SLIT2: variants seen among roughly 807,000 people sequenced by gnomAD.
SLIT2 encodes slit guidance ligand 2, also known as slit homolog 2 protein.
Under a neutral mutation model 185.7 loss-of-function variants are expected in SLIT2, and 41 were observed. The ratio of observed to expected loss-of-function variants is 0.22; its 90% CI spans 0.17 to 0.29. The LOEUF is 0.29. Among genes scored for constraint, SLIT2 ranks in the 10% least tolerant of loss-of-function variants. The pLI, the probability that SLIT2 is intolerant of heterozygous loss-of-function variation, is 1.00. For missense variants in SLIT2, 1,571 were observed against 1,909.0 expected (o/e 0.82, Z 3.30); for synonymous variants, 693 against 680.2 (o/e 1.02, Z -0.29).
chr4:20,310,057 G>A (rs777372921), intron 4 of SLIT2, among the ~76,000 whole-genome samples: 2 of 152,000 alleles, frequency 1.3e-5, no homozygotes, highest in African/African-American at 4.8e-5. Flanking sequence ...CACCGCGTCC[G>A]GCCCCTCTAG....
intron 4 of SLIT2, among the ~76,000 whole-genome samples, chr4:20,358,981 T>C (rs1046776091): frequency 1.2e-4 from 19 of 152,086 alleles, no homozygotes. Flanking sequence ...AAGATTGATA[T>C]ATATAATGGT....
At position 20,390,573 on chromosome 4, in the gene SLIT2, G is replaced by T. The variant is rs548691558; in HGVS notation, c.396-77179G>T. On this transcript the variant is annotated intron_variant, in intron 4 of 36. Transcript: ENST00000504154. ...GACATCACAAAGTTCCTATGGCACTGTCGGCCTGCTGCATTGAAGAATGAC... is the reference window on the plus strand; with the variant it reads ...GACATCACAAAGTTCCTATGGCACTTTCGGCCTGCTGCATTGAAGAATGAC... Among the ~76,000 whole-genome samples, 80 of 152,144 alleles carry T rather than the reference G, an allele frequency of 5.3e-4. No individual in the cohort carries two copies. The South Asian group carries it at 0.015, about 28-fold the overall frequency.
chr4:20,462,573 G>A (rs1378209884), intron 4 of SLIT2, among the ~76,000 whole-genome samples: 1 of 152,108 alleles, frequency 6.6e-6, no homozygotes, highest in Non-Finnish European at 1.5e-5. Flanking sequence ...ATTACGTAGT[G>A]TTCTCTAAAA....
At chr4:20,350,526 T>C (rs1351850972) in intron 4 of SLIT2, among the ~76,000 whole-genome samples, 3 of 152,300 alleles carry the variant, frequency 2.0e-5, no homozygotes, top group Admixed American at 6.5e-5. Context: ...CTATCATTAC[T>C]GCTTATTTTG....
chr4:20,377,385 C>G (rs965491033), intron 4 of SLIT2, among the ~76,000 whole-genome samples: 2 of 151,982 alleles, frequency 1.3e-5, no homozygotes, highest in African/African-American at 4.8e-5. Flanking sequence ...TATGGACTTG[C>G]TTGAAATGAT....
chr4:20,542,855 T>C (rs1013483687), intron 21 of SLIT2, among the ~76,000 whole-genome samples: 38 of 97,280 alleles, frequency 3.9e-4, no homozygotes, highest in East Asian at 3.5e-3. Flanking sequence ...TGTGTGTGTG[T>C]GTGTGTGCGC....
At position 20,254,735 on chromosome 4, in the gene SLIT2, G is replaced by T. The variant is rs964827354; in HGVS notation, c.179+741G>T. 2.6e-5 allele frequency among the ~76,000 whole-genome samples: 4 copies of T among 152,130 alleles called. No homozygotes were observed. Among genetic ancestry groups the T allele is most frequent in the African/African-American group, 9.7e-5 (4 of 41,444 alleles). ...AGCACTGGTTCTCCAGCGCAAACCA[G>T]CCCAACCAGGTCTTACCACTGCGGC... On this transcript the variant is annotated intron_variant, in intron 1 of 36. Coordinates refer to ENST00000504154, the MANE Select transcript of SLIT2 (RefSeq NM_004787.4). This position sits in a 1 kb window ranked among gnomAD's most constrained non-coding sequence, Gnocchi z 5.1.
intron 4 of SLIT2, among the ~76,000 whole-genome samples, chr4:20,424,012 A>G (rs1241919543): frequency 1.3e-5 from 2 of 152,114 alleles, no homozygotes; most frequent in Non-Finnish European, 2.9e-5. Flanking sequence ...TCTTCTAGAA[A>G]AGGGAATATT....
chr4:20,336,181 C>T (rs995381156), intron 4 of SLIT2, among the ~76,000 whole-genome samples: 1 of 152,194 alleles, frequency 6.6e-6, no homozygotes. Flanking sequence ...GCCACCTCTT[C>T]TCCCAGGAGA....
chr4:20,257,684 ACTG>A (rs1304577465), intron 2 of SLIT2, among the ~76,000 whole-genome samples, 181 bp from the exon 3 acceptor site: 1 of 151,944 alleles, frequency 6.6e-6, no homozygotes, highest in African/African-American at 2.4e-5. Flanking sequence ...TGATGCAGAC[ACTG>A]CTATTTCCCT....
chr4:20,486,276 G>A lies in SLIT2; in HGVS notation c.611+5G>A. The A allele has an allele frequency of 6.6e-7, 1 of 1,504,348 alleles. No homozygotes were observed. Among genetic ancestry groups the A allele is most frequent in the Non-Finnish European group, 9.3e-7 (1 of 1,080,620 alleles). 93.2% of individuals were successfully genotyped at this position (1,504,348 alleles called of 1,614,324 possible). On this transcript the variant is annotated splice_donor_5th_base_variant and intron_variant, in intron 7 of 36. Transcript: ENST00000504154. Reference sequence around the variant, plus strand: ...TATGCCTAAACTTAGGACTTTGTAAGTAGTCACAATATATGTAAAAGTCAT... The same window carrying A: ...TATGCCTAAACTTAGGACTTTGTAAATAGTCACAATATATGTAAAAGTCAT...
chr4:20,397,831 G>T (rs1388798557), intron 4 of SLIT2, among the ~76,000 whole-genome samples: 1 of 151,682 alleles, frequency 6.6e-6, no homozygotes, highest in Admixed American at 6.6e-5. Flanking sequence ...AATCACATGT[G>T]GTTGTCGGAA....
At chr4:20,337,474 A>T (rs78152819) in intron 4 of SLIT2, among the ~76,000 whole-genome samples, 1 of 152,138 alleles carries the variant, frequency 6.6e-6, no homozygotes, top group Non-Finnish European at 1.5e-5. Flanking sequence ...ACCTGCCCCC[A>T]TGATTCAATT....
intron 5 of SLIT2, among the ~76,000 whole-genome samples, chr4:20,471,387 C>T (rs1464890166): frequency 2.6e-5 from 4 of 152,078 alleles, no homozygotes; most frequent in Admixed American, 1.3e-4. Context: ...TGGCTCAATA[C>T]ATTTCCATTA....
chr4:20,554,542 C>G (rs1724070307), intron 26 of SLIT2, among the ~76,000 whole-genome samples: 1 of 151,884 alleles, frequency 6.6e-6, no homozygotes. Context: ...AATACATGCC[C>G]CTAAATAGAA....
chr4:20,272,705 TC>T (rs1214849065), intron 4 of SLIT2, among the ~76,000 whole-genome samples: 2 of 152,168 alleles, frequency 1.3e-5, no homozygotes, highest in Non-Finnish European at 2.9e-5. Flanking sequence ...AGCTTAAGTA[TC>T]CAAAGCACTT....
chr4:20,390,506 C>T (rs533656872), intron 4 of SLIT2, among the ~76,000 whole-genome samples: 1 of 152,106 alleles, frequency 6.6e-6, no homozygotes, highest in African/African-American at 2.4e-5. Flanking sequence ...GAGTGAGTTC[C>T]TAAAACCACT....
intron 25 of SLIT2, chr4:20,552,666 A>T (rs1723875040): frequency 6.6e-6 from 1 of 152,104 alleles, no homozygotes; most frequent in Admixed American, 6.6e-5. Flanking sequence ...TGATTCTTAA[A>T]CGGGGCATTA....
chr4:20,518,245 A>G (rs181251002), intron 11 of SLIT2, among the ~76,000 whole-genome samples: 1,486 of 101,558 alleles, frequency 0.015, 54 homozygotes, highest in East Asian at 0.12. Context: ...GTGTGTATAT[A>G]TATATATATA....
Sources: allele counts gnomAD v4.1 joint callset (sites outside exome capture counted in the v4.1 genomes callset), GRCh38; gene constraint gnomAD v4.1.1; non-coding constraint Gnocchi (gnomAD v3.1); transcripts MANE v1.5; gene names NCBI Gene and HGNC (gene_info 2026-07-23, HGNC 2026-07-21).